The following DPF3 variants were observed in gnomAD, a reference collection of about 807,000 sequenced individuals.
The protein encoded by DPF3 is double PHD fingers 3.
A neutral mutation model predicts 56.8 loss-of-function variants in DPF3; 18 were observed. The ratio of observed to expected loss-of-function variants is 0.32; its 90% CI spans 0.22 to 0.47. The LOEUF (loss-of-function observed/expected upper bound fraction) is 0.47, where lower values mean the gene tolerates loss of function less well. Among genes scored for constraint, DPF3 ranks in the 20% least tolerant of loss-of-function variants. The pLI, the probability that DPF3 is intolerant of heterozygous loss-of-function variation, is 1.00. For missense variants in DPF3, 403 were observed against 488.8 expected (o/e 0.82, Z 1.65); for synonymous variants, 188 against 180.2 (o/e 1.04, Z -0.35).
In DPF3 at chr14:72,888,161, C is replaced by T. The variant is rs372248932; in HGVS notation, c.32+5896G>A. ...TATTAGGAGCTCTGAACCTAATCCT[C>T]TCACCCCTCCCTGCTTCCACACATT... On this transcript the variant is annotated intron_variant, in intron 1 of 10. Coordinates refer to ENST00000556509, the MANE Select transcript of DPF3 (RefSeq NM_001280542.3). Among the ~76,000 whole-genome samples, 3 of 152,180 alleles carry T rather than the reference C, an allele frequency of 2.0e-5. No individual in the cohort carries two copies. In the East Asian group the frequency reaches 5.8e-4, roughly 29 times the overall value.
chr14:72,876,440 T>C (rs1385057518), intron 1 of DPF3, among the ~76,000 whole-genome samples: 1 of 150,860 alleles, frequency 6.6e-6, no homozygotes, highest in East Asian at 1.9e-4. Context: ...CGATGAGGAG[T>C]ATGAGTCTCC....
chr14:72,758,164 C>T (rs1265905475), intron 2 of DPF3, among the ~76,000 whole-genome samples: 1 of 152,088 alleles, frequency 6.6e-6, no homozygotes, highest in Non-Finnish European at 1.5e-5. Context: ...AAAAAGCATA[C>T]ATCCGTTTCT....
intron 1 of DPF3, among the ~76,000 whole-genome samples, chr14:72,795,277 CAAAAAAA>C (rs578053636): frequency 1.9e-4 from 21 of 109,534 alleles, no homozygotes; most frequent in African/African-American, 4.6e-4. Context: ...CTCTTTTTGA[CAAAAAAA>C]AAAAAAAAAA....
intron 1 of DPF3, among the ~76,000 whole-genome samples, chr14:72,869,815 G>A (rs1047589445): frequency 5.9e-5 from 9 of 152,070 alleles, no homozygotes; most frequent in East Asian, 1.9e-4. Flanking sequence ...AGACAGAAAC[G>A]ATCTTCCTCC....
chr14:72,734,573 T>A (rs748129827), intron 3 of DPF3, among the ~76,000 whole-genome samples: 1 of 152,092 alleles, frequency 6.6e-6, no homozygotes, highest in Non-Finnish European at 1.5e-5. Context: ...TATTTTAGTA[T>A]CCCCCTTAGC....
intron 7 of DPF3, among the ~76,000 whole-genome samples, chr14:72,691,393 C>G (rs1887673800): frequency 6.6e-6 from 1 of 152,120 alleles, no homozygotes; most frequent in South Asian, 2.1e-4. Flanking sequence ...ATGGGCTTGT[C>G]AGGATAGACC....
intron 1 of DPF3, among the ~76,000 whole-genome samples, chr14:72,892,963 GGAAGGAAGGAAGGA>G (rs1886818485): frequency 1.8e-5 from 1 of 56,112 alleles, no homozygotes; most frequent in African/African-American, 1.2e-4. Flanking sequence ...AAGGAAGGAA[GGAAGGAAGGAAGGA>G]AGGAAGGAAG....
At chr14:72,763,251 A>C (rs1037234953) in intron 2 of DPF3, among the ~76,000 whole-genome samples, 1 of 152,102 alleles carries the variant, frequency 6.6e-6, no homozygotes, top group East Asian at 1.9e-4. Flanking sequence ...TGACAGACTG[A>C]TTATAAAATC....
intron 6 of DPF3, among the ~76,000 whole-genome samples, chr14:72,706,579 CTT>C (rs1888412145): frequency 6.6e-6 from 1 of 152,168 alleles, no homozygotes; most frequent in South Asian, 2.1e-4. Flanking sequence ...AGCAAAATGA[CTT>C]TCTCGATGTC....
chr14:72,847,471 C>A (rs748398411), intron 1 of DPF3, among the ~76,000 whole-genome samples: 6 of 152,124 alleles, frequency 3.9e-5, no homozygotes, highest in Non-Finnish European at 7.4e-5. Context: ...CAGCCATAAT[C>A]TGCTAACCGT....
chr14:72,712,904 C>T (rs931705314), intron 6 of DPF3, among the ~76,000 whole-genome samples: 3 of 152,210 alleles, frequency 2.0e-5, no homozygotes, highest in Admixed American at 1.3e-4. Context: ...AATGAATAAA[C>T]GAAGAATATA....
At chr14:72,847,413 A>C (rs1290963291) in intron 1 of DPF3, among the ~76,000 whole-genome samples, 1 of 152,186 alleles carries the variant, frequency 6.6e-6, no homozygotes, top group Non-Finnish European at 1.5e-5. Context: ...CATTTACCTC[A>C]CTATATTATA....
chr14:72,795,133 G>A (rs912622137), intron 1 of DPF3, among the ~76,000 whole-genome samples: 1 of 151,872 alleles, frequency 6.6e-6, no homozygotes, highest in Non-Finnish European at 1.5e-5. Flanking sequence ...CATCTTTGGG[G>A]GTAAGGTCAC....
intron 1 of DPF3, among the ~76,000 whole-genome samples, chr14:72,777,583 T>C (rs1891795007): frequency 6.6e-6 from 1 of 152,178 alleles, no homozygotes; most frequent in Non-Finnish European, 1.5e-5. Context: ...AAATCTCATG[T>C]TGAATTGTAA....
Position 72,609,185 on chromosome 14 carries a change from G to A in DPF3, c.*10112C>T, listed in dbSNP as rs955869416. Among the ~76,000 whole-genome samples the A allele has an allele frequency of 2.1e-4, 32 of 152,182 alleles. No individual in the cohort carries two copies. Among genetic ancestry groups the A allele is most frequent in the African/African-American group, 4.6e-4 (19 of 41,444 alleles). ...GGCTTGTGACTCAGTCTTTGAGAAC[G>A]TGCGAGCATTCCATGGGATATCGAG... On this transcript the variant is annotated 3_prime_UTR_variant, in exon 11 of 11. Coordinates refer to ENST00000556509, the MANE Select transcript of DPF3 (RefSeq NM_001280542.3).
At chr14:72,863,127 T>C in intron 1 of DPF3, among the ~76,000 whole-genome samples, 1 of 91,992 alleles carries the variant, frequency 1.1e-5, no homozygotes, top group Admixed American at 1.3e-4. Flanking sequence ...TATGTGTGTG[T>C]GTGTGTGTGT....
At chr14:72,805,019 A>G (rs1161486811) in intron 1 of DPF3, among the ~76,000 whole-genome samples, 1 of 103,094 alleles carries the variant, frequency 9.7e-6, no homozygotes, top group Non-Finnish European at 2.1e-5. Context: ...TCAGCTTCCT[A>G]CTGTGTAAAA....
At chr14:72,692,941 A>T in intron 7 of DPF3, 135 bp downstream of exon 7, 2 of 1,459,640 alleles carry the variant, frequency 1.4e-6, no homozygotes, top group South Asian at 2.7e-5. Context: ...GAAAGGGCCA[A>T]CACACTACAG....
intron 9 of DPF3, 35 bp downstream of exon 9, chr14:72,629,589 A>G (rs765992850): frequency 1.3e-6 from 2 of 1,513,160 alleles, no homozygotes; most frequent in South Asian, 1.2e-5. Context: ...AGCTCTGTGG[A>G]TTTCTCCCTC....
Sources: gnomAD v4.1 joint callset for allele counts (sites outside exome capture counted in the v4.1 genomes callset) on GRCh38, gnomAD v4.1.1 for gene constraint, MANE v1.5 for transcripts, NCBI Gene and HGNC (gene_info 2026-07-23, HGNC 2026-07-21) for gene names.